The following MGLL variants were observed in gnomAD, a reference collection of about 807,000 sequenced individuals.
MGLL encodes the protein lysophospholipase homolog.
Under a neutral mutation model 29.1 loss-of-function variants are expected in MGLL, and 7 were observed. That is an observed-to-expected ratio of 0.24 (90% CI 0.14 to 0.45). The LOEUF (loss-of-function observed/expected upper bound fraction) is 0.45. Among genes scored for constraint, MGLL ranks in the 20% least tolerant of loss-of-function variants. The pLI is 0.99. For missense variants in MGLL, 356 were observed against 413.6 expected, an observed-to-expected ratio of 0.86 and a Z score of 1.21; for synonymous variants, 148 against 168.3, an observed-to-expected ratio of 0.88 and a Z score of 0.93.
At chr3:127,784,031 G>C (rs577342461) in intron 2 of MGLL, 4 of 152,176 alleles carry the variant, frequency 2.6e-5, no homozygotes, top group African/African-American at 9.7e-5. Flanking sequence ...GCCTCTCATC[G>C]CAGCCAGGGG....
At chr3:127,755,022 T>C (rs1374503900) in intron 3 of MGLL, among the ~76,000 whole-genome samples, 1 of 151,986 alleles carries the variant, frequency 6.6e-6, no homozygotes, top group East Asian at 1.9e-4. Context: ...TTTATGTTTG[T>C]TTTCTCGGCA....
At chr3:127,712,971 G>A (rs1368650074) in intron 5 of MGLL, 1 of 152,242 alleles carries the variant, frequency 6.6e-6, no homozygotes, top group African/African-American at 2.4e-5. Context: ...AAAATGGAGT[G>A]GATCAGTGCA....
upstream of MGLL, chr3:127,822,619 G>A (rs1224811950): frequency 6.8e-6 from 3 of 444,386 alleles, no homozygotes; most frequent in Non-Finnish European, 8.0e-6. Context: ...GCTCGGAGAA[G>A]GGAGGGGCCC....
chr3:127,775,544 C>T (rs1165076705), intron 3 of MGLL, among the ~76,000 whole-genome samples: 2 of 152,130 alleles, frequency 1.3e-5, no homozygotes, highest in African/African-American at 2.4e-5. Flanking sequence ...CGCCCACAGA[C>T]ATTCCCTCAA....
chr3:127,774,493 A>G (rs923179300), intron 3 of MGLL, among the ~76,000 whole-genome samples: 1 of 152,160 alleles, frequency 6.6e-6, no homozygotes, highest in African/African-American at 2.4e-5. Flanking sequence ...CAAAGAATGA[A>G]GGAAGAAGAG....
At chr3:127,744,421 G>A (rs2076403162) in intron 3 of MGLL, among the ~76,000 whole-genome samples, 1 of 152,174 alleles carries the variant, frequency 6.6e-6, no homozygotes, top group African/African-American at 2.4e-5. Context: ...ATTGCCACGT[G>A]TCATGCCCAC....
chr3:127,723,559 C>A (rs537899317), intron 3 of MGLL, among the ~76,000 whole-genome samples: 2 of 152,044 alleles, frequency 1.3e-5, no homozygotes, highest in African/African-American at 4.8e-5. Flanking sequence ...CAGTCGCCCC[C>A]CCACGGTCTG....
At chr3:127,789,711 A>AGAAAGAAAG (rs1207567575) in intron 2 of MGLL, among the ~76,000 whole-genome samples, 1 of 152,184 alleles carries the variant, frequency 6.6e-6, no homozygotes, top group African/African-American at 2.4e-5. Context: ...TCAAAAAGAA[A>AGAAAGAAAG]GAAAGAAAGG....
chr3:127,818,340 T>C (rs1477910520), intron 2 of MGLL, among the ~76,000 whole-genome samples: 2 of 152,012 alleles, frequency 1.3e-5, no homozygotes, highest in Non-Finnish European at 2.9e-5. Context: ...TTTTTGTTAT[T>C]GTTGTTGTTG....
intron 1 of MGLL, chr3:127,822,088 CTG>C: frequency 1.5e-6 from 1 of 659,928 alleles, no homozygotes; most frequent in Non-Finnish European, 2.5e-6. Context: ...CCCTTCCCAT[CTG>C]TGTTTATTTT....
In MGLL at chr3:127,761,067, A is replaced by C. The variant is rs1235374429; in HGVS notation, c.262+20722T>G. On this transcript the variant is annotated intron_variant, in intron 3 of 7. Coordinates refer to ENST00000265052, the MANE Select transcript of MGLL (RefSeq NM_007283.7). This position sits in a 1 kb window ranked among gnomAD's most constrained non-coding sequence, Gnocchi z 4.6. ...GTGTGAACTTGAGCGTATCCAAAGA[A>C]ACCATCATTTCTGTGAAATGCCTTG... Among the ~76,000 whole-genome samples the C allele has an allele frequency of 1.3e-5, 2 of 152,236 alleles. No individual in the cohort carries two copies. The highest frequency in any genetic ancestry group is 4.8e-5 in the African/African-American group (2 of 41,458).
chr3:127,777,945 T>C (rs2077063032), intron 3 of MGLL, among the ~76,000 whole-genome samples: 1 of 152,188 alleles, frequency 6.6e-6, no homozygotes, highest in African/African-American at 2.4e-5. Flanking sequence ...TTCAAACCCA[T>C]GAGTTCATTT....
At chr3:127,694,286 A>AAAATAT (rs1174705130) in intron 7 of MGLL, among the ~76,000 whole-genome samples, 59 of 97,866 alleles carry the variant, frequency 6.0e-4, no homozygotes, top group Non-Finnish European at 8.3e-4. Flanking sequence ...AAAAAAAAAA[A>AAAATAT]ATATATATAT....
chr3:127,786,665 CT>C (rs1430825549), intron 2 of MGLL, among the ~76,000 whole-genome samples: 2 of 152,260 alleles, frequency 1.3e-5, no homozygotes, highest in Non-Finnish European at 2.9e-5. Context: ...ACGAATGCCC[CT>C]TTTATGCCTT....
At chr3:127,744,902 A>T (rs1161405993) in intron 3 of MGLL, among the ~76,000 whole-genome samples, 4 of 152,256 alleles carry the variant, frequency 2.6e-5, no homozygotes, top group African/African-American at 9.6e-5. Flanking sequence ...TTGATCCTAA[A>T]CTGTGCTGTC....
rs7622377 is a variant in MGLL at position 127,761,580 on chromosome 3, C to T, written c.262+20209G>A. ...CAAGTGCCTTCTGTGTGTGTGTCCA[C>T]GTGTTCCCCTAAGCGACTGGGCTAC... is the stretch of plus-strand genomic sequence containing the variant. On this transcript the variant is annotated intron_variant, in intron 3 of 7. Coordinates refer to ENST00000265052, the MANE Select transcript of MGLL (RefSeq NM_007283.7). This position sits in a 1 kb window ranked among gnomAD's most constrained non-coding sequence, Gnocchi z 4.6. 6.4e-3 allele frequency among the ~76,000 whole-genome samples: 978 copies of T among 152,334 alleles called. 16 individuals carry two copies. Among genetic ancestry groups the T allele is most frequent in the African/African-American group, 0.022 (915 of 41,570 alleles).
chr3:127,735,993 T>C, intron 3 of MGLL: 1 of 1,423,960 alleles, frequency 7.0e-7, no homozygotes, highest in Non-Finnish European at 9.1e-7. Flanking sequence ...TCCTTCACGC[T>C]AAAAGCTCCC....
Position 127,721,101 on chromosome 3 carries a change from G to A in MGLL, c.462C>T (p.Leu154=). 1 of 1,614,266 alleles carries A rather than the reference G, an allele frequency of 6.2e-7. No homozygotes were observed. The highest frequency in any genetic ancestry group is 8.5e-7 in the Non-Finnish European group (1 of 1,180,048). The change falls in exon 5 of 8, where the codon CTC becomes CTT. Residue 154 remains leucine (L), a synonymous_variant. Coordinates refer to ENST00000265052, the MANE Select transcript of MGLL (RefSeq NM_007283.7). ...GATTGGCAAGAACCAGAGGCGAAAT[G>A]AGTACCATGCCGGCGAAGTGGCCCG... The part of the protein sequence containing the change: ...ERPGHFAGMV[L]ISPLVLANPE...
intron 3 of MGLL, among the ~76,000 whole-genome samples, chr3:127,762,832 C>T (rs1049484820): frequency 2.2e-4 from 33 of 148,678 alleles, no homozygotes; most frequent in Admixed American, 2.2e-3. Context: ...GGTAAGTTTA[C>T]AGATTGGAGC....
Sources: gnomAD v4.1 joint callset for allele counts (sites outside exome capture counted in the v4.1 genomes callset) on GRCh38, gnomAD v4.1.1 for gene constraint, Gnocchi (gnomAD v3.1) non-coding constraint, MANE v1.5 for transcripts, NCBI Gene and HGNC (gene_info 2026-07-23, HGNC 2026-07-21) for gene names.